ACER3: variants seen among roughly 807,000 people sequenced by gnomAD.
ACER3 encodes alkaline ceramidase 3, also known as alkCDase 3.
Under a neutral mutation model 48.9 loss-of-function variants are expected in ACER3, and 16 were observed. That is an observed-to-expected ratio of 0.33 (90% confidence interval 0.22 to 0.50). The LOEUF (loss-of-function observed/expected upper bound fraction) is 0.50, where lower values mean the gene tolerates loss of function less well. Among genes scored for constraint, ACER3 ranks in the 20% least tolerant of loss-of-function variants. The pLI, the probability that ACER3 is intolerant of heterozygous loss-of-function variation, is 0.98. For missense variants in ACER3, 227 were observed against 326.0 expected, an observed-to-expected ratio of 0.70 and a Z score of 2.34; for synonymous variants, 109 against 107.8, an observed-to-expected ratio of 1.01 and a Z score of -0.07.
At position 77,025,774 on chromosome 11, in the gene ACER3, G is replaced by A. The variant is rs1467843293; in HGVS notation, c.*5447G>A. 6.6e-6 allele frequency: 1 copy of A among 152,196 alleles called. No homozygotes were observed. Among genetic ancestry groups the A allele is most frequent in the Admixed American group, 6.5e-5 (1 of 15,282 alleles). 9.4% of individuals were successfully genotyped at this position (152,196 alleles called of 1,614,324 possible). A position where few individuals can be genotyped will look rare whatever the true frequency, so the allele number is the denominator to read the frequency against. ...ACAGAAACTGTATGTAGCCTGCAAA[G>A]CCTAAAATGTTTACTCTCTGGCTTG... On this transcript the variant is annotated 3_prime_UTR_variant, in exon 11 of 11. Coordinates refer to ENST00000532485, the MANE Select transcript of ACER3 (RefSeq NM_018367.7).
intron 9 of ACER3, among the ~76,000 whole-genome samples, chr11:77,018,623 TA>T (rs1555023799): frequency 6.6e-6 from 1 of 152,192 alleles, no homozygotes; most frequent in Non-Finnish European, 1.5e-5. Flanking sequence ...TGAAGGAAAT[TA>T]AAAGTGCTAC....
At chr11:76,920,413 G>A (rs7951501) in intron 1 of ACER3, among the ~76,000 whole-genome samples, 86,393 of 151,530 alleles carry the variant, frequency 0.57, 27,777 homozygotes, top group Non-Finnish European at 0.73. Flanking sequence ...AGTGAACCAT[G>A]GTCATGCCTT....
At chr11:76,900,343 G>GC (rs1946048031) in intron 1 of ACER3, among the ~76,000 whole-genome samples, 1 of 152,160 alleles carries the variant, frequency 6.6e-6, no homozygotes, top group Admixed American at 6.5e-5. Flanking sequence ...GGCAGGAGAG[G>GC]CAGGCACAGT....
intron 2 of ACER3, among the ~76,000 whole-genome samples, chr11:76,930,353 T>G (rs1291269171): frequency 2.6e-5 from 4 of 152,216 alleles, no homozygotes; most frequent in Non-Finnish European, 4.4e-5. Context: ...GATTCTTCTC[T>G]CTTTTCTTCT....
intron 1 of ACER3, among the ~76,000 whole-genome samples, chr11:76,885,423 T>A (rs1945647268): frequency 6.6e-6 from 1 of 152,040 alleles, no homozygotes; most frequent in Non-Finnish European, 1.5e-5. Flanking sequence ...ATGCCTTAGG[T>A]ATTTGTCCTA....
At chr11:76,872,650 G>T (rs952235251) in intron 1 of ACER3, among the ~76,000 whole-genome samples, 3 of 152,136 alleles carry the variant, frequency 2.0e-5, no homozygotes, top group African/African-American at 4.8e-5. Context: ...TGTCATTATT[G>T]TTGATGTCAT....
At chr11:76,914,129 A>C (rs917816148) in intron 1 of ACER3, among the ~76,000 whole-genome samples, 1 of 152,350 alleles carries the variant, frequency 6.6e-6, no homozygotes, top group Middle Eastern at 3.4e-3. Flanking sequence ...CATTCAGGAC[A>C]TAGGCATGGG....
chr11:76,861,232 TGA>T (rs1196647674), intron 1 of ACER3, among the ~76,000 whole-genome samples, 153 bp downstream of exon 1: 3 of 140,662 alleles, frequency 2.1e-5, no homozygotes, highest in Non-Finnish European at 4.6e-5. Flanking sequence ...AGCGGGAGGC[TGA>T]GAGGAGCGGG....
intron 1 of ACER3, among the ~76,000 whole-genome samples, chr11:76,874,099 A>G (rs749986376): frequency 5.9e-5 from 9 of 152,206 alleles, no homozygotes; most frequent in Non-Finnish European, 1.2e-4. Context: ...AAAGCATTTT[A>G]TGGTTGCATG....
intron 1 of ACER3, among the ~76,000 whole-genome samples, chr11:76,918,759 A>G (rs1447787716): frequency 1.3e-5 from 2 of 152,058 alleles, no homozygotes. Flanking sequence ...GTTTTTACCC[A>G]TTTTGCAAGT....
chr11:76,993,094 G>A (rs2135236752), intron 6 of ACER3, among the ~76,000 whole-genome samples: 1 of 152,232 alleles, frequency 6.6e-6, no homozygotes, highest in East Asian at 1.9e-4. Flanking sequence ...CAAAACTCCT[G>A]AGCTCAAGCA....
chr11:76,975,071 C>A (rs562250993), intron 3 of ACER3, among the ~76,000 whole-genome samples: 1 of 152,330 alleles, frequency 6.6e-6, no homozygotes, highest in Non-Finnish European at 1.5e-5. Flanking sequence ...ATTCACTTTA[C>A]ATAAGCTCTC....
intron 3 of ACER3, among the ~76,000 whole-genome samples, chr11:76,972,940 C>T (rs931450319): frequency 1.3e-5 from 2 of 152,246 alleles, no homozygotes; most frequent in African/African-American, 4.8e-5. Flanking sequence ...TGTGTGGGAC[C>T]CCCAAGGTGC....
rs967990379 is a variant in ACER3, at chr11:77,011,242, G to T, written c.498-3774G>T. On this transcript the variant is annotated intron_variant, in intron 7 of 10. Coordinates refer to ENST00000532485, the MANE Select transcript of ACER3 (RefSeq NM_018367.7). ...ACTATATGAGTAGTAAGTCCCCTTA[G>T]CCTTGCATGGACCATGTGCTGATGT... is the stretch of plus-strand genomic sequence containing the variant. 5.5e-6 allele frequency: 4 copies of T among 721,706 alleles called. No homozygotes were observed. The South Asian group carries it at 1.9e-4, about 34-fold the overall frequency. 44.7% of individuals were successfully genotyped at this position (721,706 alleles called of 1,614,324 possible). A position where few individuals can be genotyped will look rare whatever the true frequency, so the allele number is the denominator to read the frequency against.
chr11:76,935,742 G>C (rs1009698484), intron 2 of ACER3, among the ~76,000 whole-genome samples: 1 of 152,132 alleles, frequency 6.6e-6, no homozygotes, highest in African/African-American at 2.4e-5. Context: ...TTACTGCACT[G>C]TTCAATTTAG....
intron 1 of ACER3, among the ~76,000 whole-genome samples, chr11:76,876,893 G>A (rs1047745699): frequency 1.3e-5 from 2 of 152,030 alleles, no homozygotes; most frequent in African/African-American, 4.8e-5. Flanking sequence ...CCCATGAGAG[G>A]TAATAATAAA....
intron 3 of ACER3, among the ~76,000 whole-genome samples, chr11:76,974,276 A>G (rs1969315): frequency 0.75 from 114,627 of 152,050 alleles, 43,551 homozygotes; most frequent in African/African-American, 0.8. Context: ...CACCATGTTG[A>G]CCAGGCTGCT....
intron 1 of ACER3, among the ~76,000 whole-genome samples, chr11:76,918,906 T>G (rs1384977734): frequency 6.6e-6 from 1 of 152,212 alleles, no homozygotes; most frequent in African/African-American, 2.4e-5. Context: ...CATCCATCTC[T>G]GAAGTCTCTG....
intron 1 of ACER3, among the ~76,000 whole-genome samples, chr11:76,911,274 A>G (rs1003546875): frequency 6.6e-6 from 1 of 152,154 alleles, no homozygotes; most frequent in Non-Finnish European, 1.5e-5. Flanking sequence ...GGGGCGGGCA[A>G]TTCCTGGAAC....
Sources: gnomAD v4.1 joint callset for allele counts (sites outside exome capture counted in the v4.1 genomes callset) on GRCh38, gnomAD v4.1.1 for gene constraint, MANE v1.5 for transcripts, NCBI Gene and HGNC (gene_info 2026-07-23, HGNC 2026-07-21) for gene names.